ADCYAP1R1: variants seen among roughly 807,000 people sequenced by gnomAD.
The protein encoded by ADCYAP1R1 is pituitary adenylate cyclase-activating polypeptide type I receptor.
ADCYAP1R1 carries 44 observed loss-of-function variants against 67.6 expected under a neutral mutation model. The observed-to-expected ratio is 0.65, with a 90% confidence interval of 0.51 to 0.84. The LOEUF is 0.84. Among genes scored for constraint, ADCYAP1R1 ranks in the 40% least tolerant of loss-of-function variants. The pLI is 0.00. For synonymous variants in ADCYAP1R1, 222 were observed against 219.6 expected, an observed-to-expected ratio of 1.01 and a Z score of -0.10; for missense variants, 477 against 587.9, an observed-to-expected ratio of 0.81 and a Z score of 1.95.
At chr7:31,106,350 C>A in intron 15 of ADCYAP1R1, 146 bp from the exon 16 acceptor site, 1 of 980,072 alleles carries the variant, frequency 1.0e-6, no homozygotes, top group Non-Finnish European at 1.5e-6. Context: ...CCACTGGAGA[C>A]CTTGAGGGCC....
chr7:31,100,734 T>C (rs1466315846), intron 13 of ADCYAP1R1, among the ~76,000 whole-genome samples: 1 of 152,170 alleles, frequency 6.6e-6, no homozygotes, highest in South Asian at 2.1e-4. Context: ...TGCTGAGAGA[T>C]GAAGTCACTC....
chr7:31,087,038 A>G (rs1795777165), intron 11 of ADCYAP1R1, 35 bp downstream of exon 11: 2 of 1,612,468 alleles, frequency 1.2e-6, no homozygotes. Context: ...GCCACAGCAC[A>G]GAGTAGATTC....
chr7:31,087,061 T>C, intron 11 of ADCYAP1R1, 58 bp downstream of exon 11: 1 of 1,579,858 alleles, frequency 6.3e-7, no homozygotes. Context: ...ACAGATGGGT[T>C]CTCAGTAGCT....
chr7:31,104,953 T>C, intron 15 of ADCYAP1R1, 44 bp downstream of exon 15: 1 of 1,605,362 alleles, frequency 6.2e-7, no homozygotes, highest in East Asian at 2.2e-5. Flanking sequence ...GAAGTGGGGC[T>C]TTCTGGGGAG....
chr7:31,103,291 A>G lies in ADCYAP1R1; in HGVS notation c.1101A>G (p.Thr367=). Residue 367 remains threonine, a synonymous_variant, in exon 14 of 16, where the codon ACA becomes ACG. Transcript: ENST00000304166. ...TCCCACTATTCGGAATCCACTACAC[A>G]GTATTTGCCTTCTCCCCAGAGAATG... The part of the protein sequence containing the change: ...LLIPLFGIHY[T]VFAFSPENVS... The G allele has an allele frequency of 6.2e-7, 1 of 1,614,214 alleles. No individual in the cohort carries two copies. Among genetic ancestry groups the G allele is most frequent in the Non-Finnish European group, 8.5e-7 (1 of 1,180,030 alleles).
At chr7:31,065,851 C>T (rs192210465) in intron 3 of ADCYAP1R1, among the ~76,000 whole-genome samples, 7 of 152,340 alleles carry the variant, frequency 4.6e-5, no homozygotes, top group Admixed American at 4.6e-4. Context: ...CTGGATCCTC[C>T]TGGCTCCTCT....
At chr7:31,101,306 A>G (rs966578188) in intron 13 of ADCYAP1R1, among the ~76,000 whole-genome samples, 1 of 152,174 alleles carries the variant, frequency 6.6e-6, no homozygotes, top group African/African-American at 2.4e-5. Context: ...AATCCATCCC[A>G]TGTAATTCCA....
At chr7:31,089,538 T>TTCC (rs1308154245) in intron 12 of ADCYAP1R1, among the ~76,000 whole-genome samples, 10 of 152,182 alleles carry the variant, frequency 6.6e-5, no homozygotes, top group Admixed American at 5.9e-4. Context: ...TATTCCACTT[T>TTCC]TCCTTCATTA....
intron 3 of ADCYAP1R1, among the ~76,000 whole-genome samples, chr7:31,068,751 C>G (rs1027151334): frequency 6.6e-6 from 1 of 152,138 alleles, no homozygotes; most frequent in Non-Finnish European, 1.5e-5. Context: ...CACTTTGGGG[C>G]TGTTGTCTGA....
At chr7:31,104,173 G>A (rs1796548211) in intron 14 of ADCYAP1R1, among the ~76,000 whole-genome samples, 1 of 152,078 alleles carries the variant, frequency 6.6e-6, no homozygotes, top group African/African-American at 2.4e-5. Flanking sequence ...CAAAGCCCTG[G>A]CCCAGGAGTG....
In ADCYAP1R1 at chr7:31,064,812, A is replaced by G; in HGVS notation, c.52-19A>G. The G allele has an allele frequency of 2.5e-6, 4 of 1,595,332 alleles. No homozygotes were observed. The highest frequency in any genetic ancestry group is 3.4e-6 in the Non-Finnish European group (4 of 1,168,034). On this transcript the variant is annotated intron_variant, in intron 2 of 15. Coordinates refer to ENST00000304166, the MANE Select transcript of ADCYAP1R1 (RefSeq NM_001118.5). Reference sequence around the variant, plus strand: ...GGCCTCCTACCCGCTCCCACCATCCATCCTGTGTTCTCCTACAGGCCCCTG... The same window carrying G: ...GGCCTCCTACCCGCTCCCACCATCCGTCCTGTGTTCTCCTACAGGCCCCTG...
At chr7:31,055,085 AC>A (rs1472217369) in intron 1 of ADCYAP1R1, among the ~76,000 whole-genome samples, 6 of 152,060 alleles carry the variant, frequency 3.9e-5, no homozygotes, top group Non-Finnish European at 7.4e-5. Context: ...GGTGACAGCC[AC>A]CCCCACAGTG....
At chr7:31,096,137 A>T (rs1439387070) in intron 13 of ADCYAP1R1, among the ~76,000 whole-genome samples, 1 of 152,094 alleles carries the variant, frequency 6.6e-6, no homozygotes, top group East Asian at 1.9e-4. Flanking sequence ...CAGGGTAGAC[A>T]TTAACTGTTC....
Position 31,106,894 on chromosome 7 carries a change from C to A in ADCYAP1R1, c.*210C>A. The A allele has an allele frequency of 1.7e-6, 1 of 592,342 alleles. No homozygotes were observed. Among genetic ancestry groups the A allele is most frequent in the Non-Finnish European group, 2.8e-6 (1 of 352,676 alleles). The allele number at this position is 592,342 out of a possible 1,614,324, so 36.7% of individuals were successfully genotyped here. A position where few individuals can be genotyped will look rare whatever the true frequency, so the allele number is the denominator to read the frequency against. ...TCCCACCCACTGTGGTCCCCTGGGCCCTGACCCCAGACATGTAAATACTCC... is the reference window on the plus strand; with the variant it reads ...TCCCACCCACTGTGGTCCCCTGGGCACTGACCCCAGACATGTAAATACTCC... On this transcript the variant is annotated 3_prime_UTR_variant, in exon 16 of 16. Coordinates refer to ENST00000304166, the MANE Select transcript of ADCYAP1R1 (RefSeq NM_001118.5).
chr7:31,087,307 C>A (rs1382413276), intron 11 of ADCYAP1R1, among the ~76,000 whole-genome samples: 10 of 152,196 alleles, frequency 6.6e-5, no homozygotes, highest in Non-Finnish European at 1.3e-4. Flanking sequence ...AGGGGGAGGT[C>A]ACATCCTAAG....
chr7:31,101,483 A>G (rs751098823), intron 13 of ADCYAP1R1, among the ~76,000 whole-genome samples: 5 of 152,106 alleles, frequency 3.3e-5, no homozygotes, highest in Non-Finnish European at 5.9e-5. Context: ...CTCCTTCAAT[A>G]GATATCTTTT....
At chr7:31,096,636 G>T (rs1032214105) in intron 13 of ADCYAP1R1, among the ~76,000 whole-genome samples, 1 of 152,202 alleles carries the variant, frequency 6.6e-6, no homozygotes, top group African/African-American at 2.4e-5. Flanking sequence ...CAGACCGGCT[G>T]GGAGTATGGA....
Position 31,085,451 on chromosome 7 carries a change from G to A in ADCYAP1R1, c.669+9G>A. 1 of 1,611,316 alleles carries A rather than the reference G, an allele frequency of 6.2e-7. No individual in the cohort carries two copies. The highest frequency in any genetic ancestry group is 8.5e-7 in the Non-Finnish European group (1 of 1,179,524). On this transcript the variant is annotated intron_variant, in intron 9 of 15. Coordinates refer to ENST00000304166, the MANE Select transcript of ADCYAP1R1 (RefSeq NM_001118.5). Reference sequence around the variant, plus strand: ...ACTGCTTCATCTCCACTGTGAGTGAGCCAAGCAGACCCATTAGGGCTCTGC... The same window carrying A: ...ACTGCTTCATCTCCACTGTGAGTGAACCAAGCAGACCCATTAGGGCTCTGC...
chr7:31,095,594 G>A (rs372771676), intron 13 of ADCYAP1R1: 10 of 715,360 alleles, frequency 1.4e-5, no homozygotes, highest in Middle Eastern at 2.3e-4. Context: ...GGGTACCAGA[G>A]TTATGTGTGG....
Sources: allele counts gnomAD v4.1 joint callset (sites outside exome capture counted in the v4.1 genomes callset), GRCh38; gene constraint gnomAD v4.1.1; transcripts MANE v1.5; gene names NCBI Gene and HGNC (gene_info 2026-07-23, HGNC 2026-07-21).